Variants in RIMS2 observed in about 807,000 individuals in gnomAD.
RIMS2 encodes the protein regulating synaptic membrane exocytosis protein 2.
RIMS2 carries 59 observed loss-of-function variants against 174.4 expected under a neutral mutation model. That is an observed-to-expected ratio of 0.34 (90% CI 0.27 to 0.42). The LOEUF (loss-of-function observed/expected upper bound fraction) is 0.42. RIMS2 is among the 10% of genes least tolerant of loss of function. The pLI, the probability that RIMS2 is intolerant of heterozygous loss-of-function variation, is 1.00. For synonymous variants in RIMS2, 606 were observed against 572.5 expected (o/e 1.06, Z -0.84); for missense variants, 1,620 against 1,666.3 (o/e 0.97, Z 0.48).
chr8:103,765,376 G>T (rs751876074), intron 2 of RIMS2, among the ~76,000 whole-genome samples: 13 of 152,106 alleles, frequency 8.5e-5, no homozygotes, highest in Non-Finnish European at 1.8e-4. Flanking sequence ...GGTTGGAGGA[G>T]AGGAAAAGGG....
At chr8:103,767,702 C>T (rs548016683) in intron 3 of RIMS2, among the ~76,000 whole-genome samples, 1 of 152,098 alleles carries the variant, frequency 6.6e-6, no homozygotes, top group South Asian at 2.1e-4. Flanking sequence ...TTAGATGGTG[C>T]CTAAAGTCAC....
chr8:104,196,251 CTT>C (rs908897467), intron 19 of RIMS2, among the ~76,000 whole-genome samples: 5 of 152,122 alleles, frequency 3.3e-5, no homozygotes, highest in Admixed American at 2.0e-4. Context: ...AAGATTCTCT[CTT>C]GTTTTTCCTT....
At chr8:103,843,546 A>G (rs373513764) in intron 3 of RIMS2, among the ~76,000 whole-genome samples, 1 of 152,214 alleles carries the variant, frequency 6.6e-6, no homozygotes, top group African/African-American at 2.4e-5. Flanking sequence ...CTTTTTCCTC[A>G]TATTCCTCTT....
At chr8:104,254,901 G>T (rs1376704552), downstream of RIMS2, 1 of 152,206 alleles carries the variant, frequency 6.6e-6, no homozygotes, top group Non-Finnish European at 1.5e-5. Context: ...GGGAGACGTG[G>T]TAACCTGACA....
chr8:104,043,349 T>C (rs2096640991), intron 19 of RIMS2, among the ~76,000 whole-genome samples: 1 of 151,604 alleles, frequency 6.6e-6, no homozygotes, highest in South Asian at 2.1e-4. Context: ...GACCCTAAAT[T>C]TGTGATGGCA....
At chr8:104,147,905 C>T (rs546336120) in intron 19 of RIMS2, among the ~76,000 whole-genome samples, 12 of 152,222 alleles carry the variant, frequency 7.9e-5, no homozygotes, top group Middle Eastern at 3.4e-3. Context: ...AGTGATTCAT[C>T]GATTGCTTTC....
At chr8:103,898,129 G>A (rs534070959) in intron 4 of RIMS2, among the ~76,000 whole-genome samples, 4 of 151,756 alleles carry the variant, frequency 2.6e-5, no homozygotes, top group Admixed American at 6.6e-5. Context: ...TTTCTCTGGT[G>A]TTACAGGCCT....
chr8:103,725,728 A>C (rs1593501), intron 2 of RIMS2, among the ~76,000 whole-genome samples: 116,236 of 152,092 alleles, frequency 0.76, 45,429 homozygotes, highest in African/African-American at 0.93. Context: ...TTTGGTAGAA[A>C]CTAGGAGTAG....
At chr8:104,255,250 TCCTGTTCTTTGTTGTTC>T (rs1438625780), downstream of RIMS2, 9 of 150,308 alleles carry the variant, frequency 6.0e-5, no homozygotes, top group African/African-American at 2.2e-4. Flanking sequence ...TGTTGTTCAT[TCCTGTTCTTTGTTGTTC>T]ATATACATTC....
chr8:104,099,228 C>T (rs908406465), intron 19 of RIMS2, among the ~76,000 whole-genome samples: 4 of 152,038 alleles, frequency 2.6e-5, no homozygotes, highest in African/African-American at 9.7e-5. Flanking sequence ...TATTCCATTC[C>T]AATATTCCAT....
Position 103,564,045 on chromosome 8 carries a change from A to G in RIMS2, c.176+62983A>G, listed in dbSNP as rs567195141. Among the ~76,000 whole-genome samples, 361 of 152,330 alleles carry G rather than the reference A, an allele frequency of 2.4e-3. 1 individual carries two copies. The highest frequency in any genetic ancestry group is 3.5e-3 in the Non-Finnish European group (236 of 68,032). The stretch of plus-strand genomic sequence containing the variant: ...ATTTGGGTGGGGATGCAATCAAACC[A>G]TATCATGGCCTTAAATCACAGTCCA... On this transcript the variant is annotated intron_variant, in intron 1 of 23. Transcript: ENST00000504942.
intron 11 of RIMS2, among the ~76,000 whole-genome samples, chr8:103,930,386 A>G (rs182091005): frequency 6.6e-6 from 1 of 152,142 alleles, no homozygotes; most frequent in East Asian, 1.9e-4. Flanking sequence ...ATTTCTGTCC[A>G]TTTCAGTCTC....
chr8:103,870,607 A>G (rs1029913100), intron 3 of RIMS2, among the ~76,000 whole-genome samples: 1 of 151,986 alleles, frequency 6.6e-6, no homozygotes, highest in Non-Finnish European at 1.5e-5. Flanking sequence ...TATTTTTTCT[A>G]CAAACTTTCT....
rs1033224601 is a variant in RIMS2 at position 104,165,528 on chromosome 8, T to C, written c.3335-79388T>C. Among the ~76,000 whole-genome samples the C allele has an allele frequency of 2.0e-5, 3 of 152,132 alleles. No homozygotes were observed. The South Asian group carries it at 6.2e-4, about 31-fold the overall frequency. The stretch of plus-strand genomic sequence containing the variant: ...ATATTCGTGTGTGTCAGTGAAACCT[T>C]ATGCTGTCTCTGTACCTCATTTTGA... On this transcript the variant is annotated intron_variant, in intron 19 of 23. Coordinates refer to ENST00000504942, the Ensembl canonical transcript of RIMS2.
At chr8:104,125,209 G>A (rs2098418849) in intron 19 of RIMS2, among the ~76,000 whole-genome samples, 1 of 152,156 alleles carries the variant, frequency 6.6e-6, no homozygotes, top group Non-Finnish European at 1.5e-5. Context: ...GTAAGTGTCT[G>A]TATGTTCTGG....
intron 1 of RIMS2, among the ~76,000 whole-genome samples, chr8:103,689,961 T>C (rs796454278): frequency 1.5e-4 from 23 of 149,074 alleles, no homozygotes; most frequent in African/African-American, 4.9e-4. Context: ...CCATGTGTCT[T>C]TTTTTTTTTT....
At chr8:103,684,636 G>A (rs1477123030) in intron 1 of RIMS2, among the ~76,000 whole-genome samples, 1 of 150,674 alleles carries the variant, frequency 6.6e-6, no homozygotes, top group African/African-American at 2.4e-5. Context: ...CCCCAGGTTG[G>A]AGTGCAGTGG....
intron 3 of RIMS2, among the ~76,000 whole-genome samples, chr8:103,817,629 A>C (rs1210629695): frequency 6.6e-6 from 1 of 151,984 alleles, no homozygotes; most frequent in South Asian, 2.1e-4. Flanking sequence ...AAAAATACAA[A>C]ATTAGCTGGG....
intron 19 of RIMS2, among the ~76,000 whole-genome samples, chr8:104,117,427 C>T (rs2098296487): frequency 6.6e-6 from 1 of 151,396 alleles, no homozygotes; most frequent in Non-Finnish European, 1.5e-5. Context: ...CTTGCTCTGC[C>T]AGCCAGGCTG....
Sources: allele counts gnomAD v4.1 joint callset (sites outside exome capture counted in the v4.1 genomes callset), GRCh38; gene constraint gnomAD v4.1.1; transcripts MANE v1.5; gene names NCBI Gene and HGNC (gene_info 2026-07-23, HGNC 2026-07-21).